The following ZNF683 variants were observed in gnomAD, a reference collection of about 807,000 sequenced individuals.
The protein encoded by ZNF683 is tissue-resident T-cell transcription regulator protein ZNF683.
ZNF683 carries 20 observed loss-of-function variants against 31.4 expected under a neutral mutation model. That is an observed-to-expected ratio of 0.64 (90% CI 0.45 to 0.93). The LOEUF (loss-of-function observed/expected upper bound fraction) is 0.93, where lower values mean the gene tolerates loss of function less well. Among genes scored for constraint, ZNF683 ranks in the 40% least tolerant of loss-of-function variants. ZNF683 has a pLI of 0.00. For synonymous variants in ZNF683, 264 were observed against 267.6 expected (o/e 0.99, Z 0.13); for missense variants, 621 against 637.2 (o/e 0.97, Z 0.27).
chr1:26,370,624 A>G, intron 1 of ZNF683: 1 of 984,922 alleles, frequency 1.0e-6, no homozygotes, highest in Non-Finnish European at 1.2e-6. Context: ...CAGGTCTCAA[A>G]GCAAATACCA....
At position 26,365,185 on chromosome 1, in the gene ZNF683, T is replaced by G. The variant is rs760028437; in HGVS notation, c.361A>C (p.Lys121Gln). 6.2e-7 allele frequency: 1 copy of G among 1,609,478 alleles called. No individual in the cohort carries two copies. ...PGLQASSTDD[K>Q]KFTVKYPQNK... ...TGTGGGTACTTGACTGTGAATTTCT[T>G]GTCATCGGTGGAGCTGGCCTGCAGC... Residue 121 changes from lysine (K) to glutamine (Q), a missense_variant, in exon 4 of 6, where the codon AAG (lysine) becomes CAG (glutamine). Coordinates refer to ENST00000349618, the MANE Select transcript of ZNF683 (RefSeq NM_001114759.3).
Position 26,361,812 on chromosome 1 carries a change from G to A in ZNF683, c.1354C>T (p.His452Tyr), listed in dbSNP as rs1199579132. The A allele has an allele frequency of 6.2e-7, 1 of 1,614,058 alleles. No individual in the cohort carries two copies. The highest frequency in any genetic ancestry group is 1.1e-5 in the South Asian group (1 of 91,086). ...LASLACLAQWHQGALDLMAVA... is the reference protein window; with the variant it reads ...LASLACLAQWYQGALDLMAVA... ...GCCATAAGATCTAGTGCCCCCTGGT[G>A]CCATTGGGCAAGGCAGGCCAGAGAG... The change falls in exon 6 of 6, where the codon CAC becomes TAC. Residue 452 changes from histidine to tyrosine, a missense_variant. By Grantham distance (83) the His-to-Tyr change is moderately conservative. Coordinates refer to ENST00000349618, the MANE Select transcript of ZNF683 (RefSeq NM_001114759.3).
At chr1:26,363,241 T>C in intron 4 of ZNF683, 87 bp from the exon 5 acceptor site, 1 of 1,479,064 alleles carries the variant, frequency 6.8e-7, no homozygotes, top group Non-Finnish European at 9.1e-7. Context: ...CCCACTTCTC[T>C]CTCCCTCCCC....
chr1:26,371,517 T>C (rs1212364460), intron 1 of ZNF683, among the ~76,000 whole-genome samples: 2 of 151,924 alleles, frequency 1.3e-5, no homozygotes, highest in Non-Finnish European at 2.9e-5. Flanking sequence ...GGAGGATCAC[T>C]TGAGCCCAGG....
chr1:26,369,972 C>T (rs780099563), intron 1 of ZNF683, among the ~76,000 whole-genome samples: 26 of 151,380 alleles, frequency 1.7e-4, no homozygotes, highest in Non-Finnish European at 1.0e-4. Flanking sequence ...CTAGCCTGGG[C>T]GAGGATAGAG....
chr1:26,368,659 C>A, intron 1 of ZNF683, 74 bp from the exon 2 acceptor site: 1 of 1,452,000 alleles, frequency 6.9e-7, no homozygotes, highest in South Asian at 1.5e-5. Flanking sequence ...GACTGGCTCT[C>A]CCATTAACAT....
upstream of ZNF683, chr1:26,372,861 G>A (rs771261078): frequency 1.5e-5 from 17 of 1,169,300 alleles, no homozygotes; most frequent in Non-Finnish European, 1.7e-5. Context: ...TCTGGGAGAC[G>A]AGAGCAAGGA....
chr1:26,367,383 C>G (rs999244661), intron 3 of ZNF683, among the ~76,000 whole-genome samples: 2 of 152,180 alleles, frequency 1.3e-5, no homozygotes, highest in African/African-American at 4.8e-5. Flanking sequence ...AAGCCAGTGC[C>G]CAGCTTCTCT....
In ZNF683 at chr1:26,365,171, G is replaced by T; in HGVS notation, c.375C>A (p.Val125=). 3.1e-6 allele frequency: 5 copies of T among 1,610,538 alleles called. No individual in the cohort carries two copies. The highest frequency in any genetic ancestry group is 4.2e-6 in the Non-Finnish European group (5 of 1,178,560). ...ASSTDDKKFT[V]KYPQNKDKLG... ...GCTTGTCCTTGTTCTGTGGGTACTT[G>T]ACTGTGAATTTCTTGTCATCGGTGG... Residue 125 remains valine, a synonymous_variant, in exon 4 of 6, where the codon GTC becomes GTA. Coordinates refer to ENST00000349618, the MANE Select transcript of ZNF683 (RefSeq NM_001114759.3).
chr1:26,368,202 G>A (rs2074576624), intron 2 of ZNF683, among the ~76,000 whole-genome samples: 1 of 152,228 alleles, frequency 6.6e-6, no homozygotes, highest in East Asian at 1.9e-4. Context: ...TAAGGCCCAA[G>A]GCCATGGTCA....
At chr1:26,372,773 C>T (rs115684375), upstream of ZNF683, 13,239 of 1,200,636 alleles carry the variant, frequency 0.011, 404 homozygotes, top group African/African-American at 0.11. Flanking sequence ...GTGCTACCTC[C>T]CCAGGGCATG....
At chr1:26,368,358 G>T in intron 2 of ZNF683, 100 bp downstream of exon 2, 2 of 1,377,756 alleles carry the variant, frequency 1.5e-6, no homozygotes, top group South Asian at 1.8e-5. Flanking sequence ...AGACTGGGAA[G>T]GAGATCTAGG....
intron 3 of ZNF683, among the ~76,000 whole-genome samples, chr1:26,365,532 A>G (rs1450328624): frequency 6.6e-6 from 1 of 152,230 alleles, no homozygotes; most frequent in Non-Finnish European, 1.5e-5. Flanking sequence ...TAGATCTGCT[A>G]TGTCCGAAAT....
Position 26,361,948 on chromosome 1 carries a change from G to C in ZNF683, c.1218C>G (p.Phe406Leu). The change falls in exon 6 of 6, where the codon TTC becomes TTG. Residue 406 changes from phenylalanine (F) to leucine (L), a missense_variant. By Grantham distance (22) the Phe-to-Leu change is conservative. Coordinates refer to ENST00000349618, the MANE Select transcript of ZNF683 (RefSeq NM_001114759.3). ...AGCGACTCCGGCAGACACTGCACTGGAAGGGCCGGGCCCCGGAGTGCAGGC... is the reference window on the plus strand; with the variant it reads ...AGCGACTCCGGCAGACACTGCACTGCAAGGGCCGGGCCCCGGAGTGCAGGC... ...HLRLHSGARP[F>L]QCSVCRSRFT... 6.2e-7 allele frequency: 1 copy of C among 1,614,020 alleles called. No homozygotes were observed. The highest frequency in any genetic ancestry group is 8.5e-7 in the Non-Finnish European group (1 of 1,179,902).
upstream of ZNF683, chr1:26,374,188 C>A: frequency 7.9e-7 from 1 of 1,270,624 alleles, no homozygotes; most frequent in Admixed American, 2.4e-5. Flanking sequence ...AGGCCACAAG[C>A]CCGCCTCCCC....
At chr1:26,370,471 C>T (rs2124203464) in intron 1 of ZNF683, among the ~76,000 whole-genome samples, 1 of 152,304 alleles carries the variant, frequency 6.6e-6, no homozygotes, top group Non-Finnish European at 1.5e-5. Flanking sequence ...CCAGCAAATG[C>T]CCCAAGACCC....
chr1:26,373,969 C>G (rs1231479741), upstream of ZNF683, among the ~76,000 whole-genome samples: 8 of 152,140 alleles, frequency 5.3e-5, no homozygotes, highest in Non-Finnish European at 1.2e-4. Context: ...AGTGGTAAAC[C>G]TCAGACTCTG....
Position 26,362,013 on chromosome 1 carries a change from T to C in ZNF683, c.1153A>G (p.Lys385Glu). 1.9e-6 allele frequency: 3 copies of C among 1,613,766 alleles called. No individual in the cohort carries two copies. Among genetic ancestry groups the C allele is most frequent in the Non-Finnish European group, 2.5e-6 (3 of 1,179,672 alleles). Residue 385 changes from lysine (K) to glutamate (E), a missense_variant, in exon 6 of 6, where the codon AAG (lysine) becomes GAG (glutamate). By Grantham distance (56) the Lys-to-Glu change is moderately conservative. Transcript: ENST00000349618. ...AGGTTACTGGAGCTGCTGAAGCGCT[T>C]GTGGCACACCTGACGGGAACGAGCA... The part of the protein sequence containing the change: ...ERPHKCSVCH[K>E]RFSSSSNLKT...
chr1:26,367,864 CT>C lies in ZNF683; in HGVS notation c.115-68del, dbSNP rs543970415. 772 of 1,304,604 alleles carry C rather than the reference CT, an allele frequency of 5.9e-4. 13 individuals are homozygous for C. The South Asian group carries it at 0.01, about 17-fold the overall frequency. The allele number at this position is 1,304,604 out of a possible 1,614,324, so 80.8% of individuals were successfully genotyped here. A position where few individuals can be genotyped will look rare whatever the true frequency, so the allele number is the denominator to read the frequency against. On this transcript the variant is annotated intron_variant, in intron 2 of 5. Coordinates refer to ENST00000349618, the MANE Select transcript of ZNF683 (RefSeq NM_001114759.3). Reference sequence around the variant, plus strand: ...ACTCCATGGGTCCCTTAGATGGCCCCTACCCCTATTTTGTTTTCCAAAGGGG... The same window carrying C: ...ACTCCATGGGTCCCTTAGATGGCCCCACCCCTATTTTGTTTTCCAAAGGGG...
Sources: gnomAD v4.1 joint callset for allele counts (sites outside exome capture counted in the v4.1 genomes callset) on GRCh38, gnomAD v4.1.1 for gene constraint, MANE v1.5 for transcripts, NCBI Gene and HGNC (gene_info 2026-07-23, HGNC 2026-07-21) for gene names.